UGT1A9: variants seen among roughly 807,000 people sequenced by gnomAD.
The protein encoded by UGT1A9 is UDP-glucuronosyltransferase 1A9.
In UGT1A9, 35 loss-of-function variants were observed where a neutral mutation model predicts 45.0. The ratio of observed to expected loss-of-function variants is 0.78; its 90% CI spans 0.59 to 1.03. The LOEUF (loss-of-function observed/expected upper bound fraction) is 1.03, where lower values mean the gene tolerates loss of function less well. Among genes scored for constraint, UGT1A9 ranks in the 50% least tolerant of loss-of-function variants. The pLI is 0.00. For synonymous variants in UGT1A9, 278 were observed against 250.6 expected (o/e 1.11, Z -1.03); for missense variants, 687 against 666.6 (o/e 1.03, Z -0.34).
intron 1 of UGT1A9, chr2:233,719,224 A>C: frequency 1.2e-6 from 2 of 1,614,188 alleles, no homozygotes; most frequent in Non-Finnish European, 1.7e-6. Context: ...CTGCATAATG[A>C]GGCCCTGATC....
intron 1 of UGT1A9, chr2:233,753,090 C>T (rs1182840596): frequency 2.0e-5 from 3 of 152,216 alleles, no homozygotes; most frequent in Non-Finnish European, 4.4e-5. Flanking sequence ...TATTCCTGAA[C>T]GGCTCCATAA....
At chr2:233,708,581 T>C (rs2076023977) in intron 1 of UGT1A9, 1 of 152,154 alleles carries the variant, frequency 6.6e-6, no homozygotes, top group Non-Finnish European at 1.5e-5. Context: ...GTGAGATTCC[T>C]TCACTACAGA....
chr2:233,717,065 A>G (rs1043172308), intron 1 of UGT1A9, among the ~76,000 whole-genome samples: 4 of 152,172 alleles, frequency 2.6e-5, no homozygotes, highest in Admixed American at 6.5e-5. Context: ...TAGGAGTGCC[A>G]GACACGTAAC....
chr2:233,718,877 C>T, intron 1 of UGT1A9: 3 of 1,613,970 alleles, frequency 1.9e-6, no homozygotes, highest in Non-Finnish European at 2.5e-6. Context: ...TGCTGCTCCT[C>T]CTCAGTGTCC....
chr2:233,716,480 G>A (rs17863792), intron 1 of UGT1A9, among the ~76,000 whole-genome samples: 15,444 of 151,946 alleles, frequency 0.1, 900 homozygotes, highest in East Asian at 0.2. Context: ...TCTGTCCTCC[G>A]TAGTCTTCTA....
At chr2:233,695,637 T>A (rs2075300898) in intron 1 of UGT1A9, among the ~76,000 whole-genome samples, 1 of 152,092 alleles carries the variant, frequency 6.6e-6, no homozygotes, top group African/African-American at 2.4e-5. Flanking sequence ...TGAGACCCAC[T>A]TTTTTAGCTC....
chr2:233,728,960 A>T, intron 1 of UGT1A9: 1 of 1,448,658 alleles, frequency 6.9e-7, no homozygotes, highest in Non-Finnish European at 9.2e-7. Context: ...CACAGTGAAA[A>T]ACAGTGATAG....
At chr2:233,728,836 G>C (rs2077754966) in intron 1 of UGT1A9, among the ~76,000 whole-genome samples, 1 of 152,210 alleles carries the variant, frequency 6.6e-6, no homozygotes, top group Non-Finnish European at 1.5e-5. Flanking sequence ...TCACAGCCTT[G>C]TGTTGGGAAT....
intron 1 of UGT1A9, among the ~76,000 whole-genome samples, chr2:233,678,711 A>C (rs1224106773): frequency 1.3e-5 from 2 of 152,110 alleles, no homozygotes; most frequent in Admixed American, 1.3e-4. Flanking sequence ...TGCTTCTTCT[A>C]CATCTTCTTT....
At chr2:233,719,649 G>A in intron 1 of UGT1A9, 1 of 1,614,068 alleles carries the variant, frequency 6.2e-7, no homozygotes, top group South Asian at 1.1e-5. Context: ...GGTCTTCATT[G>A]GGGGCATCAA....
At chr2:233,683,006 T>C (rs1231336803) in intron 1 of UGT1A9, among the ~76,000 whole-genome samples, 1 of 152,186 alleles carries the variant, frequency 6.6e-6, no homozygotes, top group East Asian at 1.9e-4. Flanking sequence ...GATATAATTG[T>C]AGATCATATC....
intron 1 of UGT1A9, among the ~76,000 whole-genome samples, chr2:233,745,867 G>A (rs553219755): frequency 6.6e-6 from 1 of 151,648 alleles, no homozygotes; most frequent in African/African-American, 2.4e-5. Flanking sequence ...TGCTGACCAA[G>A]GTTCCAGAAG....
chr2:233,760,284 C>T lies in UGT1A9; in HGVS notation c.856-6750C>T, dbSNP rs752018052. On this transcript the variant is annotated intron_variant, in intron 1 of 4. Coordinates refer to ENST00000354728, the MANE Select transcript of UGT1A9 (RefSeq NM_021027.3). ...GGCGAACCTCTGGCAGGAGCAAAGG[C>T]GCCATGGCTGTGGAGTCCCAGGGCG... The T allele has an allele frequency of 5.6e-6, 9 of 1,612,882 alleles. No homozygotes were observed. Among genetic ancestry groups the T allele is most frequent in the Middle Eastern group, 1.9e-4 (1 of 5,180 alleles).
intron 1 of UGT1A9, chr2:233,748,039 T>C (rs999910080): frequency 2.4e-4 from 393 of 1,613,376 alleles, no homozygotes; most frequent in South Asian, 8.0e-4. Context: ...ATGGTCTTCA[T>C]TGGGGGCATC....
chr2:233,698,631 C>T (rs913612995), intron 1 of UGT1A9, among the ~76,000 whole-genome samples: 7 of 152,176 alleles, frequency 4.6e-5, no homozygotes, highest in African/African-American at 1.4e-4. Flanking sequence ...TTTTGCCTAA[C>T]AGGTTAGTAA....
intron 1 of UGT1A9, chr2:233,713,248 A>T (rs1380028747): frequency 1.2e-6 from 2 of 1,614,260 alleles, no homozygotes; most frequent in Non-Finnish European, 1.7e-6. Context: ...TCATGGACCC[A>T]GGACGAATTT....
In UGT1A9 at chr2:233,769,823, C is replaced by A. The variant is rs1252116472; in HGVS notation, c.1295+1384C>A. The A allele has an allele frequency of 4.0e-5, 32 of 804,912 alleles. No homozygotes were observed. Among genetic ancestry groups the A allele is most frequent in the Non-Finnish European group, 5.3e-5 (30 of 565,272 alleles). 49.9% of individuals were successfully genotyped at this position (804,912 alleles called of 1,614,324 possible). A position where few individuals can be genotyped will look rare whatever the true frequency, so the allele number is the denominator to read the frequency against. On this transcript the variant is annotated intron_variant, in intron 4 of 4. Transcript: ENST00000354728. The surrounding 1 kb of genome is among the most constrained non-coding windows in gnomAD (Gnocchi z 4.4). ...TGAGCCGTGATCATGCCACTGCACT[C>A]CAGCAACCTGGGCAACAGAGTGAGA...
At chr2:233,760,774 T>C in intron 1 of UGT1A9, 1 of 1,613,992 alleles carries the variant, frequency 6.2e-7, no homozygotes, top group Non-Finnish European at 8.5e-7. Flanking sequence ...CGTGGCCCAG[T>C]ACCTGTCTCT....
chr2:233,710,917 C>T (rs1215243421), intron 1 of UGT1A9, among the ~76,000 whole-genome samples: 1 of 152,212 alleles, frequency 6.6e-6, no homozygotes, highest in Non-Finnish European at 1.5e-5. Context: ...GGTCTTTAGA[C>T]CACTTAGTCT....
Sources: allele counts gnomAD v4.1 joint callset (sites outside exome capture counted in the v4.1 genomes callset), GRCh38; gene constraint gnomAD v4.1.1; non-coding constraint Gnocchi (gnomAD v3.1); transcripts MANE v1.5; gene names NCBI Gene and HGNC (gene_info 2026-07-23, HGNC 2026-07-21).